The following GRID2 variants were observed in gnomAD, a reference collection of about 807,000 sequenced individuals.
GRID2 encodes the protein glutamate ionotropic receptor delta type subunit 2.
In GRID2, 33 loss-of-function variants were observed where a neutral mutation model predicts 114.8. The ratio of observed to expected loss-of-function variants is 0.29; its 90% confidence interval spans 0.22 to 0.38. The LOEUF (loss-of-function observed/expected upper bound fraction) is 0.38, where lower values mean the gene tolerates loss of function less well. Ranked by LOEUF, GRID2 falls within the 10% of genes least tolerant of loss-of-function variation. The probability of loss-of-function intolerance (pLI) is 1.00; values close to 1 mark genes in which losing one functional copy is unlikely to be tolerated. For synonymous variants in GRID2, 505 were observed against 449.9 expected (o/e 1.12, Z -1.55); for missense variants, 1,184 against 1,257.7 (o/e 0.94, Z 0.89).
intron 10 of GRID2, among the ~76,000 whole-genome samples, chr4:93,434,521 T>G (rs1720876997): frequency 6.6e-6 from 1 of 152,160 alleles, no homozygotes; most frequent in African/African-American, 2.4e-5. Flanking sequence ...TTTTTAATTT[T>G]GTCTTTTCAG....
chr4:92,514,135 C>A (rs1363086417), intron 1 of GRID2, among the ~76,000 whole-genome samples: 1 of 151,844 alleles, frequency 6.6e-6, no homozygotes, highest in Non-Finnish European at 1.5e-5. Flanking sequence ...TATGAGCCAA[C>A]TGATGAGTTC....
chr4:93,679,075 G>T (rs924725738), intron 14 of GRID2, among the ~76,000 whole-genome samples: 1 of 151,034 alleles, frequency 6.6e-6, no homozygotes, highest in Admixed American at 6.6e-5. Context: ...ATAAAAGGAT[G>T]GAGGAAGATC....
At chr4:92,650,112 A>C (rs1269363779) in intron 2 of GRID2, among the ~76,000 whole-genome samples, 1 of 151,986 alleles carries the variant, frequency 6.6e-6, no homozygotes, top group East Asian at 1.9e-4. Flanking sequence ...ATAATATAGG[A>C]GAGGGGAAAA....
At chr4:92,855,189 T>G (rs1352330075) in intron 2 of GRID2, among the ~76,000 whole-genome samples, 1 of 152,058 alleles carries the variant, frequency 6.6e-6, no homozygotes, top group Non-Finnish European at 1.5e-5. Context: ...AATGTCCTAT[T>G]CACTGTAGTG....
intron 14 of GRID2, 52 bp from the exon 15 acceptor site, chr4:93,769,158 C>G: frequency 6.3e-7 from 1 of 1,593,418 alleles, no homozygotes; most frequent in Non-Finnish European, 8.6e-7. Context: ...TGTTGTGAAC[C>G]AGGGCGATAA....
intron 2 of GRID2, among the ~76,000 whole-genome samples, chr4:93,034,406 T>G (rs1724723254): frequency 6.6e-6 from 1 of 152,080 alleles, no homozygotes; most frequent in Non-Finnish European, 1.5e-5. Flanking sequence ...ACCTGAGGGA[T>G]TAAAAACTTG....
At chr4:92,447,676 A>G (rs1474044510) in intron 1 of GRID2, among the ~76,000 whole-genome samples, 1 of 152,214 alleles carries the variant, frequency 6.6e-6, no homozygotes, top group South Asian at 2.1e-4. Flanking sequence ...CCAAAATCAC[A>G]GTGCTTGCAG....
rs186535660 is a variant in GRID2 at position 93,429,729 on chromosome 4, T to C, written c.1545+6761T>C. On this transcript the variant is annotated intron_variant, in intron 10 of 15. Transcript: ENST00000282020. ...GGACTAAATTATAAATCTGTAAAAT[T>C]AGGATAAAGTACTATACTTAGCATG... Among the ~76,000 whole-genome samples, 4 of 152,180 alleles carry C rather than the reference T, an allele frequency of 2.6e-5. No individual in the cohort carries two copies. The East Asian group carries it at 5.8e-4, about 22-fold the overall frequency.
intron 13 of GRID2, among the ~76,000 whole-genome samples, chr4:93,561,535 C>T (rs184498701): frequency 2.0e-4 from 30 of 152,264 alleles, no homozygotes; most frequent in Admixed American, 1.0e-3. Context: ...TACAATGGCA[C>T]ATCATTATCG....
chr4:92,316,223 CT>C (rs5860271), intron 1 of GRID2, among the ~76,000 whole-genome samples: 9,870 of 152,072 alleles, frequency 0.065, 371 homozygotes, highest in Middle Eastern at 0.14. Context: ...ATTGAATTTT[CT>C]TTTTAGATAT....
intron 14 of GRID2, among the ~76,000 whole-genome samples, chr4:93,652,831 A>T (rs1836647): frequency 0.45 from 65,226 of 145,302 alleles, 16,358 homozygotes; most frequent in African/African-American, 0.66. Context: ...AACAAAAGAG[A>T]CACCACTTCG....
intron 8 of GRID2, among the ~76,000 whole-genome samples, chr4:93,266,889 G>A (rs886910561): frequency 2.6e-5 from 4 of 152,066 alleles, no homozygotes; most frequent in South Asian, 2.1e-4. Context: ...AATACTGTTC[G>A]AATTCTTGGA....
intron 2 of GRID2, among the ~76,000 whole-genome samples, chr4:92,719,291 G>T (rs1735700183): frequency 1.3e-5 from 2 of 151,996 alleles, no homozygotes; most frequent in African/African-American, 4.8e-5. Flanking sequence ...CTGGCCAAAA[G>T]ACAGGTTCTT....
intron 1 of GRID2, among the ~76,000 whole-genome samples, chr4:92,332,943 T>C (rs920577653): frequency 2.0e-5 from 3 of 152,230 alleles, no homozygotes; most frequent in Admixed American, 6.5e-5. Context: ...TCAGCAGCTC[T>C]CACAGATGGG....
At chr4:93,035,704 G>A (rs1724874085) in intron 2 of GRID2, among the ~76,000 whole-genome samples, 1 of 151,996 alleles carries the variant, frequency 6.6e-6, no homozygotes, top group South Asian at 2.1e-4. Flanking sequence ...ACTGGCTATT[G>A]GTCAGATAAA....
intron 2 of GRID2, among the ~76,000 whole-genome samples, chr4:92,614,278 A>T (rs1437349534): frequency 6.6e-6 from 1 of 151,558 alleles, no homozygotes; most frequent in Non-Finnish European, 1.5e-5. Flanking sequence ...ATGAATGAGA[A>T]CTATTTGCTT....
At chr4:92,625,592 C>T (rs1406202684) in intron 2 of GRID2, among the ~76,000 whole-genome samples, 4 of 151,778 alleles carry the variant, frequency 2.6e-5, no homozygotes. Context: ...CCCAACCAAT[C>T]ACTTATTAAC....
intron 14 of GRID2, among the ~76,000 whole-genome samples, chr4:93,633,868 CT>C (rs1721172907): frequency 1.3e-5 from 2 of 152,124 alleles, no homozygotes; most frequent in Admixed American, 1.3e-4. Context: ...GAATGGGGTG[CT>C]TTCCAAGCAT....
At chr4:92,777,369 C>G (rs1247537930) in intron 2 of GRID2, among the ~76,000 whole-genome samples, 2 of 151,906 alleles carry the variant, frequency 1.3e-5, no homozygotes, top group Non-Finnish European at 2.9e-5. Flanking sequence ...TAATAACAGC[C>G]CCATACCAGT....
Sources: gnomAD v4.1 joint callset for allele counts (sites outside exome capture counted in the v4.1 genomes callset) on GRCh38, gnomAD v4.1.1 for gene constraint, MANE v1.5 for transcripts, NCBI Gene and HGNC (gene_info 2026-07-23, HGNC 2026-07-21) for gene names.